MYT1L: variants seen among roughly 807,000 people sequenced by gnomAD.
MYT1L encodes myelin transcription factor 1-like protein.
A neutral mutation model predicts 126.7 loss-of-function variants in MYT1L; 12 were observed. The ratio of observed to expected loss-of-function variants is 0.09; its 90% CI spans 0.06 to 0.15. The LOEUF (loss-of-function observed/expected upper bound fraction) is 0.15. Ranked by LOEUF, MYT1L falls within the 10% of genes least tolerant of loss-of-function variation. The pLI, the probability that MYT1L is intolerant of heterozygous loss-of-function variation, is 1.00. For synonymous variants in MYT1L, 541 were observed against 604.2 expected, an observed-to-expected ratio of 0.90 and a Z score of 1.53; for missense variants, 979 against 1,585.2, an observed-to-expected ratio of 0.62 and a Z score of 6.49.
At chr2:2,301,015 A>G (rs2095774026) in intron 1 of MYT1L, among the ~76,000 whole-genome samples, 1 of 152,170 alleles carries the variant, frequency 6.6e-6, no homozygotes, top group South Asian at 2.1e-4. Context: ...GGAAGCCTAC[A>G]TTTACATGAA....
At chr2:2,046,564 T>C (rs769911184) in intron 4 of MYT1L, among the ~76,000 whole-genome samples, 10 of 152,222 alleles carry the variant, frequency 6.6e-5, no homozygotes, top group Non-Finnish European at 1.2e-4. Flanking sequence ...ACAACTGTCT[T>C]AGGTATAAAT....
chr2:2,131,649 A>G lies in MYT1L; in HGVS notation c.-304+41223T>C, dbSNP rs77900029. Among the ~76,000 whole-genome samples, 9 of 152,200 alleles carry G rather than the reference A, an allele frequency of 5.9e-5. No homozygotes were observed. In the East Asian group the frequency reaches 1.7e-3, roughly 30 times the overall value. On this transcript the variant is annotated intron_variant, in intron 3 of 24. Coordinates refer to ENST00000647738, the MANE Select transcript of MYT1L (RefSeq NM_001303052.2). ...GGGGTGAGGTGGGGCCATGGACACA[A>G]TATATTCATGACAAGCTGTCCCATG...
chr2:2,242,653 G>A (rs1194053823), intron 2 of MYT1L, among the ~76,000 whole-genome samples: 1 of 152,186 alleles, frequency 6.6e-6, no homozygotes, highest in Non-Finnish European at 1.5e-5. Flanking sequence ...CCAATCCCAT[G>A]AGACTGTGTA....
At chr2:1,962,606 T>C (rs1366704416) in intron 8 of MYT1L, among the ~76,000 whole-genome samples, 4 of 152,222 alleles carry the variant, frequency 2.6e-5, no homozygotes, top group Non-Finnish European at 5.9e-5. Context: ...TGCTATTTGA[T>C]AGCATTTTAC....
At chr2:2,188,980 G>A (rs1025617461) in intron 2 of MYT1L, among the ~76,000 whole-genome samples, 3 of 152,146 alleles carry the variant, frequency 2.0e-5, no homozygotes, top group African/African-American at 7.2e-5. Flanking sequence ...TACTCTGCGA[G>A]ACTACAGGGA....
intron 3 of MYT1L, among the ~76,000 whole-genome samples, chr2:2,110,552 GTCCC>G (rs71402135): frequency 0.03 from 4,501 of 148,830 alleles, 95 homozygotes; most frequent in East Asian, 0.066. Context: ...CTCTGTCCCT[GTCCC>G]TCCCTCCCTC....
At chr2:2,056,768 A>G (rs2069625219) in intron 3 of MYT1L, among the ~76,000 whole-genome samples, 1 of 152,234 alleles carries the variant, frequency 6.6e-6, no homozygotes, top group Non-Finnish European at 1.5e-5. Flanking sequence ...CAAAACAAAA[A>G]TAACAGCAGC....
chr2:2,189,648 T>C (rs1193402842), intron 2 of MYT1L, among the ~76,000 whole-genome samples: 1 of 152,230 alleles, frequency 6.6e-6, no homozygotes, highest in Non-Finnish European at 1.5e-5. Context: ...GTTAATGTGG[T>C]AGCTATAACT....
intron 2 of MYT1L, among the ~76,000 whole-genome samples, chr2:2,240,963 G>T (rs1283426896): frequency 2.6e-5 from 4 of 152,148 alleles, no homozygotes; most frequent in African/African-American, 2.4e-5. Context: ...CCTGCGATTT[G>T]GGGTTTAGCT....
chr2:2,232,282 C>T lies in MYT1L; in HGVS notation c.-421+52122G>A, dbSNP rs752298279. On this transcript the variant is annotated intron_variant, in intron 2 of 24. Transcript: ENST00000647738. ...TGGGGTTTGATTGCAACAAGCAGCT[C>T]TGCCCTCCAGCCGGGAGGCTTGGGT... 3.3e-5 allele frequency among the ~76,000 whole-genome samples: 5 copies of T among 152,220 alleles called. No homozygotes were observed. In the East Asian group the frequency reaches 7.7e-4, roughly 23 times the overall value.
intron 3 of MYT1L, among the ~76,000 whole-genome samples, chr2:2,093,817 G>GT (rs1400280830): frequency 6.6e-6 from 1 of 152,124 alleles, no homozygotes; most frequent in Admixed American, 6.5e-5. Context: ...GGTTTTTATG[G>GT]TTTTAGGTCT....
intron 1 of MYT1L, among the ~76,000 whole-genome samples, chr2:2,307,081 A>C (rs558304581): frequency 6.6e-6 from 1 of 152,298 alleles, no homozygotes; most frequent in East Asian, 1.9e-4. Flanking sequence ...AGTGTGAGTC[A>C]TCGAAGCACA....
intron 21 of MYT1L, chr2:1,828,630 TA>T (rs1256129514): frequency 6.6e-6 from 1 of 152,252 alleles, no homozygotes; most frequent in African/African-American, 2.4e-5. Context: ...CTATTCTCGC[TA>T]ATCTTCCATT....
chr2:2,314,327 C>T (rs2096026997), intron 1 of MYT1L, among the ~76,000 whole-genome samples: 1 of 152,188 alleles, frequency 6.6e-6, no homozygotes, highest in Admixed American at 6.5e-5. Context: ...AGAATGAATA[C>T]TTAATTACAC....
At chr2:2,320,794 G>A (rs907689986) in intron 1 of MYT1L, among the ~76,000 whole-genome samples, 4 of 152,202 alleles carry the variant, frequency 2.6e-5, no homozygotes, top group Non-Finnish European at 4.4e-5. Flanking sequence ...TCTATCTGTA[G>A]GAAAGGCTGG....
chr2:1,872,968 G>A (rs1018846882), intron 18 of MYT1L, among the ~76,000 whole-genome samples: 25 of 152,218 alleles, frequency 1.6e-4, no homozygotes, highest in African/African-American at 5.8e-4. Flanking sequence ...CAGCCTGTGG[G>A]TGGCCAAGCC....
At chr2:2,203,589 C>A (rs2093178340) in intron 2 of MYT1L, among the ~76,000 whole-genome samples, 2 of 151,488 alleles carry the variant, frequency 1.3e-5, no homozygotes, top group South Asian at 4.2e-4. Context: ...AACTACAAAC[C>A]ACTGCTCAAT....
chr2:2,282,236 C>T (rs747107182), intron 2 of MYT1L, among the ~76,000 whole-genome samples: 3 of 152,176 alleles, frequency 2.0e-5, no homozygotes, highest in Non-Finnish European at 4.4e-5. Flanking sequence ...CAGTGTATTG[C>T]ACGTAGTAGG....
intron 19 of MYT1L, among the ~76,000 whole-genome samples, chr2:1,847,974 G>T (rs2042720993): frequency 6.6e-6 from 1 of 152,182 alleles, no homozygotes; most frequent in African/African-American, 2.4e-5. Context: ...GCCATCCTAG[G>T]CTCATGGGGC....
Sources: allele counts gnomAD v4.1 joint callset (sites outside exome capture counted in the v4.1 genomes callset), GRCh38; gene constraint gnomAD v4.1.1; transcripts MANE v1.5; gene names NCBI Gene and HGNC (gene_info 2026-07-23, HGNC 2026-07-21).